The following PKIG variants were observed in gnomAD, a reference collection of about 807,000 sequenced individuals.
PKIG encodes cAMP-dependent protein kinase inhibitor gamma.
PKIG carries 1 observed loss-of-function variant against 6.8 expected under a neutral mutation model. The observed-to-expected ratio is 0.15, with a 90% CI of 0.05 to 0.69. The LOEUF is 0.69. PKIG is among the 30% of genes least tolerant of loss of function. PKIG has a pLI of 0.82. For synonymous variants in PKIG, 39 were observed against 43.0 expected, an observed-to-expected ratio of 0.91 and a Z score of 0.36; for missense variants, 77 against 104.0, an observed-to-expected ratio of 0.74 and a Z score of 1.13.
chr20:44,543,892 G>A lies in PKIG; in HGVS notation c.-241+11914G>A, dbSNP rs367956329. Among the ~76,000 whole-genome samples, 4 of 151,934 alleles carry A rather than the reference G, an allele frequency of 2.6e-5. No individual in the cohort carries two copies. The East Asian group carries it at 5.8e-4, about 22-fold the overall frequency. ...AGCCTGACCAACATGGTGAAACCCC[G>A]TCTCTACTAAAAATACAAAAAATTA... On this transcript the variant is annotated intron_variant, in intron 1 of 4. Coordinates refer to the PKIG transcript ENST00000372887.
In PKIG at chr20:44,532,313, C is replaced by A. The variant is rs6124645; in HGVS notation, c.-241+335C>A. Among the ~76,000 whole-genome samples, 5,331 of 152,182 alleles carry A rather than the reference C, an allele frequency of 0.035. 468 individuals carry two copies. The East Asian group carries it at 0.39, about 11-fold the overall frequency. ...ATTTGTGTGTGTGACTCTTCTGGGG[C>A]CAGAGAGGATTGACTTCTTTGTGCG... On this transcript the variant is annotated intron_variant, in intron 1 of 4. Coordinates refer to the PKIG transcript ENST00000372887.
At chr20:44,553,127 C>G (rs1038341234) in intron 1 of PKIG, among the ~76,000 whole-genome samples, 1 of 152,074 alleles carries the variant, frequency 6.6e-6, no homozygotes, top group African/African-American at 2.4e-5. Context: ...TTCTTCCCAC[C>G]GCCTCATAAC....
At chr20:44,558,951 C>G (rs578139464) in intron 1 of PKIG, among the ~76,000 whole-genome samples, 53 of 152,082 alleles carry the variant, frequency 3.5e-4, no homozygotes, top group Non-Finnish European at 6.5e-4. Flanking sequence ...ATGCCTAAAC[C>G]CTTCTTTGCA....
At chr20:44,612,290 A>G (rs1401541370) in intron 2 of PKIG, among the ~76,000 whole-genome samples, 1 of 152,050 alleles carries the variant, frequency 6.6e-6, no homozygotes, top group Non-Finnish European at 1.5e-5. Flanking sequence ...GTGGTTTCCT[A>G]TAGGCTGCTA....
rs901623595 is a variant in PKIG at position 44,557,196 on chromosome 20, T to TA, written c.-241+25226dup. ...AGCCTTTCCTGAACAGTAAATGTTT[T>TA]AAAAAAAACTATACCCTTATTCCTT... On this transcript the variant is annotated intron_variant, in intron 1 of 4. Transcript: ENST00000372887. 1.1e-4 allele frequency among the ~76,000 whole-genome samples: 16 copies of TA among 152,054 alleles called. No individual in the cohort carries two copies. The East Asian group carries it at 2.5e-3, about 24-fold the overall frequency.
chr20:44,614,486 A>G lies in PKIG; in HGVS notation c.-23-48A>G, dbSNP rs985861039. On this transcript the variant is annotated intron_variant, in intron 2 of 3. Coordinates refer to ENST00000372886, the MANE Select transcript of PKIG (RefSeq NM_001281445.2). This position sits in a 1 kb window ranked among gnomAD's most constrained non-coding sequence, Gnocchi z 4.6. ...GGGGAACTGGAGCTGTCCTCTCTGC[A>G]GAATGCATCTGGACTTACCTCTGCC... 49 of 1,407,406 alleles carry G rather than the reference A, an allele frequency of 3.5e-5. No homozygotes were observed. The highest frequency in any genetic ancestry group is 1.8e-4 in the Admixed American group (10 of 56,466). 87.2% of individuals were successfully genotyped at this position (1,407,406 alleles called of 1,614,324 possible). A position where few individuals can be genotyped will look rare whatever the true frequency, so the allele number is the denominator to read the frequency against.
At chr20:44,610,760 C>T (rs1358298568) in intron 2 of PKIG, among the ~76,000 whole-genome samples, 2 of 152,092 alleles carry the variant, frequency 1.3e-5, no homozygotes, top group African/African-American at 4.8e-5. Context: ...TCTTTCCCCA[C>T]AGGAACTGGG....
intron 1 of PKIG, among the ~76,000 whole-genome samples, chr20:44,565,348 A>T (rs1187755356): frequency 6.6e-6 from 1 of 152,260 alleles, no homozygotes; most frequent in African/African-American, 2.4e-5. Flanking sequence ...TATTGGGGGC[A>T]TGTATTGGTC....
upstream of PKIG, among the ~76,000 whole-genome samples, chr20:44,582,210 C>T (rs2064954330): frequency 6.6e-6 from 1 of 151,956 alleles, no homozygotes; most frequent in South Asian, 2.1e-4. Flanking sequence ...AAGATCTCCA[C>T]CCTAACTAGT....
At chr20:44,541,277 T>A (rs1447482660) in intron 1 of PKIG, among the ~76,000 whole-genome samples, 2 of 152,184 alleles carry the variant, frequency 1.3e-5, no homozygotes, top group African/African-American at 4.8e-5. Context: ...AAGACTAGAC[T>A]ATGGGTTTTT....
rs187134121 is a variant in PKIG at position 44,576,428 on chromosome 20, A to G, written c.-240-6157A>G. ...GGGGGAGCTAACGTGGCTCAGAGAA[A>G]AGGGCGCCCTAGGGAAGTGATATTT... is the stretch of plus-strand genomic sequence containing the variant. On this transcript the variant is annotated intron_variant, in intron 1 of 4. Coordinates refer to the PKIG transcript ENST00000372887. Among the ~76,000 whole-genome samples the G allele has an allele frequency of 3.3e-5, 5 of 152,206 alleles. No homozygotes were observed. The East Asian group carries it at 7.7e-4, about 24-fold the overall frequency.
intron 1 of PKIG, among the ~76,000 whole-genome samples, chr20:44,564,934 A>G (rs2064797891): frequency 1.3e-5 from 2 of 152,250 alleles, no homozygotes; most frequent in Non-Finnish European, 2.9e-5. Context: ...TTAGTCTAAG[A>G]TAAGTCCTTT....
intron 1 of PKIG, among the ~76,000 whole-genome samples, chr20:44,584,002 C>T (rs1330195916): frequency 1.3e-5 from 2 of 151,962 alleles, no homozygotes; most frequent in South Asian, 2.1e-4. Context: ...TATGTGCACA[C>T]GCATACACTA....
chr20:44,579,728 G>A (rs892514463), upstream of PKIG, among the ~76,000 whole-genome samples: 4 of 152,230 alleles, frequency 2.6e-5, no homozygotes, highest in Non-Finnish European at 4.4e-5. Flanking sequence ...TGTCACAGAC[G>A]TAGAATTATT....
At chr20:44,610,068 G>T (rs909373707) in intron 2 of PKIG, among the ~76,000 whole-genome samples, 3 of 152,224 alleles carry the variant, frequency 2.0e-5, no homozygotes, top group African/African-American at 7.2e-5. Context: ...TGTAGAAGGA[G>T]CCACCTCTGG....
chr20:44,536,880 C>G (rs1048336643), intron 1 of PKIG, among the ~76,000 whole-genome samples: 1 of 152,130 alleles, frequency 6.6e-6, no homozygotes, highest in Non-Finnish European at 1.5e-5. Context: ...TCTAAAAGCA[C>G]CTGGAATATT....
At chr20:44,571,490 C>G (rs1324788650) in intron 1 of PKIG, among the ~76,000 whole-genome samples, 2 of 152,156 alleles carry the variant, frequency 1.3e-5, no homozygotes, top group Non-Finnish European at 2.9e-5. Context: ...CTACCATCAT[C>G]CATTATACTA....
intron 1 of PKIG, among the ~76,000 whole-genome samples, chr20:44,532,611 A>G (rs750395797): frequency 6.6e-6 from 1 of 152,200 alleles, no homozygotes; most frequent in African/African-American, 2.4e-5. Flanking sequence ...AAGAATTCAC[A>G]GTGATTCCGG....
chr20:44,532,794 T>G (rs1395903688), intron 1 of PKIG, among the ~76,000 whole-genome samples: 1 of 151,982 alleles, frequency 6.6e-6, no homozygotes, highest in Non-Finnish European at 1.5e-5. Flanking sequence ...GCTGGTGGAG[T>G]GTACCTTGCT....
Sources: gnomAD v4.1 joint callset for allele counts (sites outside exome capture counted in the v4.1 genomes callset) on GRCh38, gnomAD v4.1.1 for gene constraint, Gnocchi (gnomAD v3.1) non-coding constraint, MANE v1.5 for transcripts, NCBI Gene and HGNC (gene_info 2026-07-23, HGNC 2026-07-21) for gene names.